Variants in RPS6KA5 observed in about 807,000 individuals in gnomAD.
The protein encoded by RPS6KA5 is ribosomal protein S6 kinase alpha-5.
In RPS6KA5, 27 loss-of-function variants were observed where a neutral mutation model predicts 85.5. The ratio of observed to expected loss-of-function variants is 0.32; its 90% CI spans 0.23 to 0.44. The LOEUF is 0.44. Ranked by LOEUF, RPS6KA5 falls within the 20% of genes least tolerant of loss-of-function variation. The pLI, the probability that RPS6KA5 is intolerant of heterozygous loss-of-function variation, is 1.00. For missense variants in RPS6KA5, 811 were observed against 980.9 expected, an observed-to-expected ratio of 0.83 and a Z score of 2.31; for synonymous variants, 334 against 348.2, an observed-to-expected ratio of 0.96 and a Z score of 0.46.
chr14:90,970,379 C>A (rs1311272298), intron 3 of RPS6KA5, among the ~76,000 whole-genome samples: 2 of 152,128 alleles, frequency 1.3e-5, no homozygotes, highest in Admixed American at 1.3e-4. Flanking sequence ...TGAGATGAAA[C>A]CAATACTCAA....
In RPS6KA5 at chr14:90,943,146, G is replaced by A; in HGVS notation, c.550C>T (p.Leu184=). The A allele has an allele frequency of 2.5e-6, 4 of 1,611,704 alleles. No homozygotes were observed. Among genetic ancestry groups the A allele is most frequent in the Non-Finnish European group, 3.4e-6 (4 of 1,178,296 alleles). Residue 184 remains leucine (L), a synonymous_variant, in exon 5 of 17, where the codon CTA becomes TTA. Coordinates refer to ENST00000614987, the MANE Select transcript of RPS6KA5 (RefSeq NM_004755.4). ...ACCACATGGCCATTAGAATCAAGTA[G>A]AATATTCTCAAGCTTAATATCACGA... ...IYRDIKLENI[L]LDSNGHVVLT...
Position 90,866,112 on chromosome 14 carries a change from A to C in RPS6KA5, c.*5962T>G, listed in dbSNP as rs560067473. The C allele has an allele frequency of 3.3e-5, 5 of 152,356 alleles. No homozygotes were observed. The highest frequency in any genetic ancestry group is 2.0e-4 in the Admixed American group (3 of 15,310). The allele number at this position is 152,356 out of a possible 1,614,324, so 9.4% of individuals were successfully genotyped here. On this transcript the variant is annotated 3_prime_UTR_variant, in exon 17 of 17. Transcript: ENST00000614987. The stretch of plus-strand genomic sequence containing the variant: ...TAGAAATACACAAATGAGTGTGGAC[A>C]CACCATAGAAAAGCAGAAAAATACG...
intron 5 of RPS6KA5, among the ~76,000 whole-genome samples, chr14:90,931,381 G>T (rs1275618786): frequency 6.6e-6 from 1 of 151,878 alleles, no homozygotes; most frequent in Non-Finnish European, 1.5e-5. Context: ...GGGGGTTAGG[G>T]GACGGGGGAA....
chr14:90,983,273 T>C (rs908842294), intron 2 of RPS6KA5, among the ~76,000 whole-genome samples: 4 of 134,780 alleles, frequency 3.0e-5, no homozygotes, highest in Non-Finnish European at 6.2e-5. Flanking sequence ...CAGGACTCCA[T>C]CTCAAAAAAA....
intron 5 of RPS6KA5, among the ~76,000 whole-genome samples, chr14:90,927,257 G>A (rs894625859): frequency 1.3e-5 from 2 of 151,844 alleles, no homozygotes; most frequent in Admixed American, 6.6e-5. Flanking sequence ...ACCATTAGGC[G>A]GACATGAAAT....
chr14:91,007,162 T>C (rs2041057994), intron 1 of RPS6KA5, among the ~76,000 whole-genome samples: 1 of 152,224 alleles, frequency 6.6e-6, no homozygotes, highest in Non-Finnish European at 1.5e-5. Context: ...TGTCTGACTA[T>C]AACAGCATAG....
At chr14:90,972,781 G>T (rs191928347) in intron 3 of RPS6KA5, among the ~76,000 whole-genome samples, 1 of 152,062 alleles carries the variant, frequency 6.6e-6, no homozygotes, top group Admixed American at 6.5e-5. Context: ...CATGGTAAAT[G>T]CATCATAACC....
In RPS6KA5 at chr14:90,928,830, A is replaced by G. The variant is rs199721496; in HGVS notation, c.619-5634T>C. Among the ~76,000 whole-genome samples the G allele has an allele frequency of 2.2e-4, 34 of 152,084 alleles. No homozygotes were observed. In the East Asian group the frequency reaches 6.4e-3, roughly 28 times the overall value. On this transcript the variant is annotated intron_variant, in intron 5 of 16. Coordinates refer to ENST00000614987, the MANE Select transcript of RPS6KA5 (RefSeq NM_004755.4). ...AGAAGAAATGTACTTTATCTTACAT[A>G]AACCATTCTAAATCCATTTCATGGT...
Position 90,900,104 on chromosome 14 carries a change from A to G in RPS6KA5, c.1379+4T>C. ...AAAGAATATTATATTAAAAATGGTCATACCTTTTGCTGATTATTTTGACTG... is the reference window on the plus strand; with the variant it reads ...AAAGAATATTATATTAAAAATGGTCGTACCTTTTGCTGATTATTTTGACTG... On this transcript the variant is annotated splice_donor_region_variant and intron_variant, in intron 11 of 16. Coordinates refer to ENST00000614987, the MANE Select transcript of RPS6KA5 (RefSeq NM_004755.4). 4 of 1,590,306 alleles carry G rather than the reference A, an allele frequency of 2.5e-6. No individual in the cohort carries two copies. The highest frequency in any genetic ancestry group is 3.4e-6 in the Non-Finnish European group (4 of 1,169,354).
At chr14:91,053,610 T>A (rs2043184514) in intron 1 of RPS6KA5, among the ~76,000 whole-genome samples, 1 of 152,000 alleles carries the variant, frequency 6.6e-6, no homozygotes, top group Non-Finnish European at 1.5e-5. Context: ...AAAAAATAAA[T>A]AAATAATAAA....
At chr14:91,047,651 G>A (rs374832117) in intron 1 of RPS6KA5, among the ~76,000 whole-genome samples, 25 of 152,082 alleles carry the variant, frequency 1.6e-4, no homozygotes, top group African/African-American at 4.6e-4. Flanking sequence ...CTGTAACTGC[G>A]GTAGAAAATT....
At chr14:91,047,997 A>C (rs1475907365) in intron 1 of RPS6KA5, among the ~76,000 whole-genome samples, 3 of 152,130 alleles carry the variant, frequency 2.0e-5, no homozygotes, top group South Asian at 4.1e-4. Flanking sequence ...CACATGGATT[A>C]CCCAAAATAA....
At chr14:90,921,306 A>G (rs2036390171) in intron 6 of RPS6KA5, among the ~76,000 whole-genome samples, 1 of 152,146 alleles carries the variant, frequency 6.6e-6, no homozygotes, top group Admixed American at 6.5e-5. Flanking sequence ...TATTTTCCTC[A>G]TGCCAGGCAC....
chr14:91,007,599 A>AT (rs978468323), intron 1 of RPS6KA5, among the ~76,000 whole-genome samples: 7 of 151,898 alleles, frequency 4.6e-5, no homozygotes, highest in African/African-American at 1.7e-4. Flanking sequence ...AATTTTAACC[A>AT]TTTTTTCCAT....
At position 91,001,171 on chromosome 14, in the gene RPS6KA5, A is replaced by C. The variant is rs374692021; in HGVS notation, c.104-12T>G. ...TCCTGTCAAATTAGCTAAAAGAAAA[A>C]AAGAGGAAAAAAAAAACAAGAGGGT... On this transcript the variant is annotated splice_polypyrimidine_tract_variant and intron_variant, in intron 1 of 16. Transcript: ENST00000614987. The C allele has an allele frequency of 1.3e-6, 2 of 1,571,090 alleles. No individual in the cohort carries two copies. The highest frequency in any genetic ancestry group is 1.7e-6 in the Non-Finnish European group (2 of 1,153,550).
At chr14:91,021,685 T>A (rs1189769952) in intron 1 of RPS6KA5, among the ~76,000 whole-genome samples, 1 of 152,178 alleles carries the variant, frequency 6.6e-6, no homozygotes, top group African/African-American at 2.4e-5. Flanking sequence ...AGTGCTGGGA[T>A]TACAGGCATG....
chr14:90,924,740 G>A (rs2140301562), intron 5 of RPS6KA5, among the ~76,000 whole-genome samples: 1 of 152,284 alleles, frequency 6.6e-6, no homozygotes, highest in South Asian at 2.1e-4. Flanking sequence ...TAAGTGATTA[G>A]CCAATCAAGG....
chr14:91,037,035 A>G (rs1383534103), intron 1 of RPS6KA5, among the ~76,000 whole-genome samples: 2 of 152,222 alleles, frequency 1.3e-5, no homozygotes, highest in East Asian at 3.9e-4. Context: ...CTAACAGAAT[A>G]CAGCTTGAAT....
rs543729273 is a variant in RPS6KA5 at position 90,862,023 on chromosome 14, G to A, written c.*10051C>T. ...AGCTGTAATCTTTAAGGTACTAAAT[G>A]AATTTCTAAAAATTACTAACGAACT... On this transcript the variant is annotated 3_prime_UTR_variant, in exon 17 of 17. Coordinates refer to ENST00000614987, the MANE Select transcript of RPS6KA5 (RefSeq NM_004755.4). 6.6e-6 allele frequency: 1 copy of A among 151,870 alleles called. No individual in the cohort carries two copies. The highest frequency in any genetic ancestry group is 2.1e-4 in the South Asian group (1 of 4,822). The allele number at this position is 151,870 out of a possible 1,614,324, so 9.4% of individuals were successfully genotyped here.
Sources: allele counts gnomAD v4.1 joint callset (sites outside exome capture counted in the v4.1 genomes callset), GRCh38; gene constraint gnomAD v4.1.1; transcripts MANE v1.5; gene names NCBI Gene and HGNC (gene_info 2026-07-23, HGNC 2026-07-21).